Variants in MBD5 observed in about 807,000 individuals in gnomAD.
MBD5 encodes the protein methyl-CpG-binding domain protein 5.
MBD5 carries 13 observed loss-of-function variants against 117.3 expected under a neutral mutation model. The observed-to-expected ratio is 0.11, with a 90% CI of 0.07 to 0.18. The LOEUF is 0.18. MBD5 is among the 10% of genes least tolerant of loss of function. The pLI, the probability that MBD5 is intolerant of heterozygous loss-of-function variation, is 1.00. For missense variants in MBD5, 1,879 were observed against 2,093.8 expected (o/e 0.90, Z 2.00); for synonymous variants, 727 against 766.4 (o/e 0.95, Z 0.85).
Position 148,021,356 on chromosome 2 carries a change from C to T in MBD5, c.-1253C>T. 2.3e-6 allele frequency: 1 copy of T among 426,488 alleles called. No individual in the cohort carries two copies. The highest frequency in any genetic ancestry group is 4.7e-6 in the Non-Finnish European group (1 of 212,964). 26.4% of individuals were successfully genotyped at this position (426,488 alleles called of 1,614,324 possible). A position where few individuals can be genotyped will look rare whatever the true frequency, so the allele number is the denominator to read the frequency against. ...CCCATCCACGACTCCTACCCCCTCACCCCTCCAACTCGCCTCCCTCCCTCC... is the reference window on the plus strand; with the variant it reads ...CCCATCCACGACTCCTACCCCCTCATCCCTCCAACTCGCCTCCCTCCCTCC... On this transcript the variant is annotated 5_prime_UTR_variant, in exon 1 of 14. Transcript: ENST00000642680.
intron 3 of MBD5, among the ~76,000 whole-genome samples, chr2:148,301,848 A>G (rs979481516): frequency 1.3e-5 from 2 of 152,028 alleles, no homozygotes; most frequent in African/African-American, 4.8e-5. Context: ...TACATGCTTG[A>G]CCCCACTTGC....
intron 4 of MBD5, among the ~76,000 whole-genome samples, chr2:148,403,928 C>T (rs1705000711): frequency 6.6e-6 from 1 of 152,046 alleles, no homozygotes; most frequent in Admixed American, 6.6e-5. Flanking sequence ...AATTTGTTCC[C>T]CATTTCTAAA....
chr2:148,282,863 AT>A (rs1451736601), intron 3 of MBD5, among the ~76,000 whole-genome samples: 4 of 149,044 alleles, frequency 2.7e-5, no homozygotes, highest in African/African-American at 9.9e-5. Flanking sequence ...ACTACTGGAT[AT>A]TTTTTCCATA....
At chr2:148,491,332 G>A (rs1349334172) in intron 11 of MBD5, among the ~76,000 whole-genome samples, 3 of 148,616 alleles carry the variant, frequency 2.0e-5, no homozygotes, top group Non-Finnish European at 4.4e-5. Context: ...TACAATAATG[G>A]TGGAATTGGC....
At chr2:148,044,031 T>C (rs1487452630) in intron 1 of MBD5, among the ~76,000 whole-genome samples, 1 of 152,180 alleles carries the variant, frequency 6.6e-6, no homozygotes, top group Non-Finnish European at 1.5e-5. Context: ...ATATATGCAG[T>C]TTAACTTCAG....
chr2:148,312,208 T>C (rs1269439610), intron 3 of MBD5, among the ~76,000 whole-genome samples: 1 of 152,190 alleles, frequency 6.6e-6, no homozygotes, highest in African/African-American at 2.4e-5. Context: ...CTTGCTAGGT[T>C]GGGGACGTTC....
chr2:148,095,463 T>C (rs1308206820), intron 1 of MBD5, among the ~76,000 whole-genome samples: 5 of 152,162 alleles, frequency 3.3e-5, no homozygotes, highest in Non-Finnish European at 7.4e-5. Context: ...ACATGCAATC[T>C]GTATGTAAGT....
At chr2:148,056,619 C>A (rs1004798572) in intron 1 of MBD5, among the ~76,000 whole-genome samples, 1 of 151,904 alleles carries the variant, frequency 6.6e-6, no homozygotes, top group Admixed American at 6.6e-5. Context: ...TATATGATTT[C>A]CTAAATTTAA....
chr2:148,214,545 C>T (rs186362433), intron 2 of MBD5, among the ~76,000 whole-genome samples: 34 of 152,256 alleles, frequency 2.2e-4, no homozygotes, highest in African/African-American at 7.9e-4. Flanking sequence ...TCTTAAATTT[C>T]CCCAGTATCA....
intron 7 of MBD5, among the ~76,000 whole-genome samples, chr2:148,466,718 T>C (rs1351387562): frequency 6.6e-6 from 1 of 152,182 alleles, no homozygotes; most frequent in Non-Finnish European, 1.5e-5. Context: ...TCTCATATCA[T>C]TGGATCTCAA....
At chr2:148,023,902 A>G (rs530424873) in intron 1 of MBD5, among the ~76,000 whole-genome samples, 2 of 152,216 alleles carry the variant, frequency 1.3e-5, no homozygotes, top group South Asian at 2.1e-4. Flanking sequence ...ATTAAGAACC[A>G]TTGATACTTT....
intron 1 of MBD5, among the ~76,000 whole-genome samples, chr2:148,151,936 T>G (rs1455085020): frequency 2.0e-5 from 3 of 151,854 alleles, no homozygotes; most frequent in African/African-American, 7.3e-5. Flanking sequence ...GTGTCTCTCT[T>G]TCCTTCAGTT....
Position 148,361,756 on chromosome 2 carries a change from T to G in MBD5, c.-557+19420T>G, listed in dbSNP as rs550317946. Among the ~76,000 whole-genome samples the G allele has an allele frequency of 1.2e-3, 184 of 152,048 alleles. 1 individual carries two copies. Among genetic ancestry groups the G allele is most frequent in the African/African-American group, 4.2e-3 (175 of 41,444 alleles). The stretch of plus-strand genomic sequence containing the variant: ...GATGGCCAAATAGGAACAGCTCCGG[T>G]CTGCAGCTCCCAGCGAGATCAACGC... On this transcript the variant is annotated intron_variant, in intron 4 of 13. Transcript: ENST00000642680.
At chr2:148,406,700 C>G (rs1705087609) in intron 4 of MBD5, among the ~76,000 whole-genome samples, 1 of 152,204 alleles carries the variant, frequency 6.6e-6, no homozygotes, top group Non-Finnish European at 1.5e-5. Context: ...ACTCAAGTTA[C>G]ACTTCATTAC....
chr2:148,066,141 A>T (rs890152932), intron 1 of MBD5, among the ~76,000 whole-genome samples: 5 of 151,904 alleles, frequency 3.3e-5, no homozygotes, highest in East Asian at 1.9e-4. Flanking sequence ...GTCTCCAAAA[A>T]TTTTTTTTAA....
chr2:148,353,467 C>A (rs1200243998), intron 4 of MBD5, among the ~76,000 whole-genome samples: 1 of 152,018 alleles, frequency 6.6e-6, no homozygotes, highest in Non-Finnish European at 1.5e-5. Flanking sequence ...TTTTGTTAAT[C>A]ATTTTTTAGA....
intron 1 of MBD5, among the ~76,000 whole-genome samples, chr2:148,070,077 C>A (rs1313228083): frequency 6.6e-6 from 1 of 152,148 alleles, no homozygotes; most frequent in East Asian, 1.9e-4. Flanking sequence ...ATTTACCAGC[C>A]TCTCTTCATC....
At chr2:148,320,796 T>C (rs1702263941) in intron 3 of MBD5, among the ~76,000 whole-genome samples, 1 of 152,232 alleles carries the variant, frequency 6.6e-6, no homozygotes, top group African/African-American at 2.4e-5. Flanking sequence ...GAGCATATAG[T>C]TGTTCATAAT....
At chr2:148,159,806 T>C (rs899362123) in intron 1 of MBD5, among the ~76,000 whole-genome samples, 1 of 152,102 alleles carries the variant, frequency 6.6e-6, no homozygotes, top group Non-Finnish European at 1.5e-5. Context: ...CTCTAGTAAA[T>C]ATGAGCATTA....
Sources: allele counts gnomAD v4.1 joint callset (sites outside exome capture counted in the v4.1 genomes callset), GRCh38; gene constraint gnomAD v4.1.1; transcripts MANE v1.5; gene names NCBI Gene and HGNC (gene_info 2026-07-23, HGNC 2026-07-21).